The following CRISP2 variants were observed in gnomAD, a reference collection of about 807,000 sequenced individuals.
CRISP2 encodes the protein cysteine rich secretory protein 2.
A neutral mutation model predicts 31.7 loss-of-function variants in CRISP2; 29 were observed. The observed-to-expected ratio is 0.92, with a 90% CI of 0.68 to 1.25. The LOEUF is 1.25. Among genes scored for constraint, CRISP2 ranks in the 50% most tolerant of loss-of-function variants. CRISP2 has a pLI of 0.00. For synonymous variants in CRISP2, 111 were observed against 101.4 expected (o/e 1.09, Z -0.57); for missense variants, 318 against 286.5 (o/e 1.11, Z -0.79).
chr6:49,698,382 C>A lies in CRISP2; in HGVS notation c.397G>T (p.Val133Phe). 7 of 1,613,186 alleles carry A rather than the reference C, an allele frequency of 4.3e-6. No individual in the cohort carries two copies. Among genetic ancestry groups the A allele is most frequent in the Non-Finnish European group, 5.1e-6 (6 of 1,179,564 alleles). ...CTTACCTGAGTATAATGTCCAACAA[C>A]TGCATTGGGACTCTTTGGTCCTACA... ...YGVGPKSPNAVVGHYTQLVWY... is the reference protein window; with the variant it reads ...YGVGPKSPNAFVGHYTQLVWY... The change falls in exon 7 of 10, where the codon GTT becomes TTT. Residue 133 changes from valine to phenylalanine, a missense_variant. Transcript: ENST00000339139.
At chr6:49,710,273 T>C (rs901754514) in intron 3 of CRISP2, among the ~76,000 whole-genome samples, 1 of 152,190 alleles carries the variant, frequency 6.6e-6, no homozygotes, top group African/African-American at 2.4e-5. Flanking sequence ...GAAAATGATA[T>C]ACAATTTCAC....
rs997405379 is a variant in CRISP2 at position 49,696,970 on chromosome 6, T to C, written c.515+890A>G. On this transcript the variant is annotated intron_variant, in intron 8 of 9. Coordinates refer to ENST00000339139, the MANE Select transcript of CRISP2 (RefSeq NM_003296.4). ...GGGCCAGTAAGTGAGTTTGGATACA[T>C]TCTCCCAGGGCCTTTCAATTCTCTC... Among the ~76,000 whole-genome samples the C allele has an allele frequency of 2.0e-5, 3 of 152,180 alleles. No homozygotes were observed. The East Asian group carries it at 5.8e-4, about 29-fold the overall frequency.
At chr6:49,689,777 G>A (rs1020048029), downstream of CRISP2, among the ~76,000 whole-genome samples, 6 of 151,982 alleles carry the variant, frequency 3.9e-5, no homozygotes, top group African/African-American at 1.4e-4. Flanking sequence ...TAGATAGTAT[G>A]GGTTAATCTA....
chr6:49,678,703 G>T, the CRISP2 span, among the ~76,000 whole-genome samples: 2 of 152,028 alleles, frequency 1.3e-5, no homozygotes, highest in Admixed American at 1.3e-4. Flanking sequence ...ACTAGTCTTT[G>T]CCCACACGCT....
intron 9 of CRISP2, among the ~76,000 whole-genome samples, chr6:49,694,761 G>C (rs1435345505): frequency 2.1e-5 from 3 of 141,004 alleles, no homozygotes; most frequent in African/African-American, 5.3e-5. Context: ...TTTTGAGACA[G>C]TCTCGCTCTG....
chr6:49,684,587 T>C, the CRISP2 span, among the ~76,000 whole-genome samples: 1 of 152,208 alleles, frequency 6.6e-6, no homozygotes, highest in South Asian at 2.1e-4. Context: ...TTAAAATGTA[T>C]TGAGTATCAT....
intron 2 of CRISP2, among the ~76,000 whole-genome samples, chr6:49,711,911 T>A (rs756117824): frequency 1.3e-5 from 2 of 152,210 alleles, no homozygotes; most frequent in African/African-American, 2.4e-5. Flanking sequence ...ATGCACATAA[T>A]ACAAATAAAC....
intron 3 of CRISP2, among the ~76,000 whole-genome samples, chr6:49,710,962 C>G (rs781114606): frequency 6.6e-6 from 1 of 152,042 alleles, no homozygotes; most frequent in Non-Finnish European, 1.5e-5. Context: ...GACCTCATCT[C>G]TACTAAAAAC....
chr6:49,708,771 C>T (rs555889696), intron 4 of CRISP2, among the ~76,000 whole-genome samples: 2 of 152,230 alleles, frequency 1.3e-5, no homozygotes, highest in African/African-American at 4.8e-5. Context: ...AATGGAATAT[C>T]CAAAATATTA....
intron 8 of CRISP2, among the ~76,000 whole-genome samples, chr6:49,696,357 C>T (rs1764747444): frequency 6.6e-6 from 1 of 151,742 alleles, no homozygotes; most frequent in African/African-American, 2.4e-5. Flanking sequence ...TATCATTTTC[C>T]ATTTGAAAAA....
At position 49,692,590 on chromosome 6, in the gene CRISP2, A is replaced by C. The variant is rs1025250186; in HGVS notation, c.*183T>G. ...TATGTCAGAGTTCACAGTTGTCATC[A>C]TCTACTATGCTACTTTTGTAAATCA... On this transcript the variant is annotated 3_prime_UTR_variant, in exon 10 of 10. Transcript: ENST00000339139. The C allele has an allele frequency of 1.9e-6, 1 of 526,978 alleles. No individual in the cohort carries two copies. Among genetic ancestry groups the C allele is most frequent in the Non-Finnish European group, 3.3e-6 (1 of 302,938 alleles). 32.6% of individuals were successfully genotyped at this position (526,978 alleles called of 1,614,324 possible).
chr6:49,687,349 G>A, the CRISP2 span, among the ~76,000 whole-genome samples: 4 of 152,152 alleles, frequency 2.6e-5, no homozygotes, highest in African/African-American at 9.7e-5. Flanking sequence ...AGCATATGTA[G>A]TATAAACGTT....
At chr6:49,708,425 T>A (rs969397298) in intron 4 of CRISP2, among the ~76,000 whole-genome samples, 1 of 152,158 alleles carries the variant, frequency 6.6e-6, no homozygotes, top group African/African-American at 2.4e-5. Context: ...GATCTCAGGA[T>A]GAGATTAGCC....
At chr6:49,706,669 A>G (rs552718930) in intron 4 of CRISP2, among the ~76,000 whole-genome samples, 1 of 152,184 alleles carries the variant, frequency 6.6e-6, no homozygotes, top group African/African-American at 2.4e-5. Context: ...TTTGAAGTAT[A>G]AGTCTGAAAG....
At chr6:49,702,092 A>G (rs1211011298) in intron 4 of CRISP2, among the ~76,000 whole-genome samples, 1 of 107,626 alleles carries the variant, frequency 9.3e-6, no homozygotes, top group Non-Finnish European at 1.8e-5. Context: ...TATATTATAT[A>G]TATTATATAT....
At chr6:49,703,363 A>G (rs1229402570) in intron 4 of CRISP2, among the ~76,000 whole-genome samples, 1 of 151,766 alleles carries the variant, frequency 6.6e-6, no homozygotes, top group Non-Finnish European at 1.5e-5. Flanking sequence ...AAAAATGATG[A>G]TGGTATTTTG....
rs115989846 is a variant in CRISP2 at position 49,709,819 on chromosome 6, A to C, written c.-9-614T>G. ...TTCTCTGTATACAAAAAATACAATT[A>C]ATGCATTGAAGATATAGCTTATTCA... On this transcript the variant is annotated intron_variant, in intron 3 of 9. Transcript: ENST00000339139. Among the ~76,000 whole-genome samples, 916 of 152,330 alleles carry C rather than the reference A, an allele frequency of 6.0e-3. 12 individuals are homozygous for C. The highest frequency in any genetic ancestry group is 0.021 in the African/African-American group (872 of 41,568).
chr6:49,697,772 G>A (rs749946467), intron 8 of CRISP2, 88 bp downstream of exon 8: 55 of 1,600,792 alleles, frequency 3.4e-5, no homozygotes, highest in Non-Finnish European at 4.3e-5. Context: ...ATTGAGATAT[G>A]TTTTCATTCT....
chr6:49,710,611 T>C (rs1767846716), intron 3 of CRISP2, among the ~76,000 whole-genome samples: 2 of 152,346 alleles, frequency 1.3e-5, no homozygotes, highest in African/African-American at 2.4e-5. Flanking sequence ...TAAACAGCCA[T>C]ACTTTTCCAT....
Sources: allele counts gnomAD v4.1 joint callset (sites outside exome capture counted in the v4.1 genomes callset), GRCh38; gene constraint gnomAD v4.1.1; transcripts MANE v1.5; gene names NCBI Gene and HGNC (gene_info 2026-07-23, HGNC 2026-07-21).